FHIT: variants seen among roughly 807,000 people sequenced by gnomAD.
FHIT encodes fragile histidine triad diadenosine triphosphatase.
FHIT carries 19 observed loss-of-function variants against 17.9 expected under a neutral mutation model. The observed-to-expected ratio is 1.06, with a 90% CI of 0.74 to 1.56. The LOEUF (loss-of-function observed/expected upper bound fraction) is 1.56, where lower values mean the gene tolerates loss of function less well. Ranked by LOEUF, FHIT falls within the 40% of genes most tolerant of loss-of-function variation. FHIT has a pLI of 0.00. For missense variants in FHIT, 248 were observed against 189.2 expected, an observed-to-expected ratio of 1.31 and a Z score of -1.82; for synonymous variants, 81 against 69.7, an observed-to-expected ratio of 1.16 and a Z score of -0.81.
intron 4 of FHIT, among the ~76,000 whole-genome samples, chr3:60,681,454 C>G (rs923183107): frequency 6.6e-6 from 1 of 152,056 alleles, no homozygotes; most frequent in African/African-American, 2.4e-5. Flanking sequence ...TCTAAGTGTT[C>G]AAGTGAAAGG....
chr3:60,485,899 A>G (rs796657600), intron 5 of FHIT, among the ~76,000 whole-genome samples: 21 of 152,088 alleles, frequency 1.4e-4, no homozygotes, highest in African/African-American at 5.1e-4. Flanking sequence ...ATAATTACTA[A>G]TTACTAATTG....
intron 3 of FHIT, among the ~76,000 whole-genome samples, chr3:60,866,558 T>C (rs530851185): frequency 1.3e-5 from 2 of 152,324 alleles, no homozygotes; most frequent in East Asian, 3.9e-4. Context: ...CAGATGACTA[T>C]AGAGCCAGAA....
At chr3:61,203,902 T>C (rs2039117852) in intron 1 of FHIT, among the ~76,000 whole-genome samples, 1 of 152,214 alleles carries the variant, frequency 6.6e-6, no homozygotes, top group Non-Finnish European at 1.5e-5. Context: ...AATGTTTACA[T>C]TCTACAAATG....
intron 2 of FHIT, among the ~76,000 whole-genome samples, chr3:61,173,389 C>T (rs2107141205): frequency 6.6e-6 from 1 of 152,288 alleles, no homozygotes; most frequent in South Asian, 2.1e-4. Context: ...ACTGTGCTTG[C>T]CTAAGAACTA....
chr3:59,945,579 T>A (rs909098148), intron 7 of FHIT, among the ~76,000 whole-genome samples: 3 of 152,026 alleles, frequency 2.0e-5, no homozygotes, highest in Non-Finnish European at 4.4e-5. Context: ...GGCATCTTTG[T>A]CATGAAATAT....
intron 5 of FHIT, among the ~76,000 whole-genome samples, chr3:60,381,520 C>T (rs1248590395): frequency 1.3e-5 from 2 of 151,472 alleles, no homozygotes; most frequent in East Asian, 1.9e-4. Context: ...GATCATTAGA[C>T]ATAAAACAAC....
chr3:60,200,665 T>G (rs1195619320), intron 5 of FHIT, among the ~76,000 whole-genome samples: 1 of 99,450 alleles, frequency 1.0e-5, no homozygotes, highest in African/African-American at 3.2e-5. Context: ...TTTGTTGCTT[T>G]TGGGGGAAAA....
chr3:60,278,682 A>G (rs2107642119), intron 5 of FHIT, among the ~76,000 whole-genome samples: 1 of 152,044 alleles, frequency 6.6e-6, no homozygotes, highest in African/African-American at 2.4e-5. Context: ...CATTAAACAC[A>G]GTCCAGCTCT....
intron 8 of FHIT, among the ~76,000 whole-genome samples, chr3:59,883,692 C>T (rs999030462): frequency 1.3e-5 from 2 of 152,196 alleles, no homozygotes; most frequent in African/African-American, 2.4e-5. Flanking sequence ...TGCTACCGCA[C>T]GTCTCTTTCC....
chr3:61,071,382 C>A (rs2034800968), intron 2 of FHIT, among the ~76,000 whole-genome samples: 1 of 151,734 alleles, frequency 6.6e-6, no homozygotes. Flanking sequence ...TATTTCCTGA[C>A]CCATTATTTC....
At chr3:60,005,728 G>A (rs1699898719) in intron 7 of FHIT, among the ~76,000 whole-genome samples, 1 of 152,118 alleles carries the variant, frequency 6.6e-6, no homozygotes. Context: ...ACATAGTCAG[G>A]GCACTGTTCA....
chr3:59,935,138 G>A (rs1361309798), intron 7 of FHIT, among the ~76,000 whole-genome samples: 4 of 152,120 alleles, frequency 2.6e-5, no homozygotes, highest in African/African-American at 9.7e-5. Context: ...AGAGGTTCTT[G>A]TAAAATTGGT....
At chr3:60,071,829 A>G (rs1414717663) in intron 5 of FHIT, among the ~76,000 whole-genome samples, 1 of 152,194 alleles carries the variant, frequency 6.6e-6, no homozygotes, top group Non-Finnish European at 1.5e-5. Context: ...GTTCTTTCCC[A>G]TGCTGTTCTC....
intron 3 of FHIT, among the ~76,000 whole-genome samples, chr3:61,002,035 A>G (rs2031120152): frequency 6.6e-6 from 1 of 152,186 alleles, no homozygotes; most frequent in Non-Finnish European, 1.5e-5. Flanking sequence ...ATACTTGTAT[A>G]TATTTAGGGG....
chr3:60,588,824 T>C (rs934670154), intron 4 of FHIT, among the ~76,000 whole-genome samples: 2 of 151,974 alleles, frequency 1.3e-5, no homozygotes, highest in Admixed American at 1.3e-4. Context: ...CTGGTGATTG[T>C]AATTTACACC....
intron 2 of FHIT, among the ~76,000 whole-genome samples, chr3:61,139,161 C>G (rs528588444): frequency 8.6e-5 from 13 of 151,988 alleles, no homozygotes; most frequent in African/African-American, 2.9e-4. Context: ...TCCTGAGTAG[C>G]TGGGACTATA....
chr3:60,441,757 A>ATT (rs1336572305), intron 5 of FHIT, among the ~76,000 whole-genome samples: 1 of 55,940 alleles, frequency 1.8e-5, no homozygotes, highest in African/African-American at 4.9e-5. Context: ...TATATATAAA[A>ATT]ATATATATAT....
At chr3:60,153,905 A>G (rs1700573191) in intron 5 of FHIT, among the ~76,000 whole-genome samples, 1 of 152,352 alleles carries the variant, frequency 6.6e-6, no homozygotes, top group South Asian at 2.1e-4. Flanking sequence ...GAAGAACAAG[A>G]TAGACACTGC....
At chr3:60,937,562 C>CT (rs1708242678) in intron 3 of FHIT, among the ~76,000 whole-genome samples, 1 of 33,592 alleles carries the variant, frequency 3.0e-5, no homozygotes. Context: ...TTTTTCTTTT[C>CT]TTTTCTTTTT....
Sources: gnomAD v4.1 joint callset for allele counts (sites outside exome capture counted in the v4.1 genomes callset) on GRCh38, gnomAD v4.1.1 for gene constraint, MANE v1.5 for transcripts, NCBI Gene and HGNC (gene_info 2026-07-23, HGNC 2026-07-21) for gene names.